The following KIF11 variants were observed in gnomAD, a reference collection of about 807,000 sequenced individuals.
KIF11 encodes kinesin family member 11.
In KIF11, 9 loss-of-function variants were observed where a neutral mutation model predicts 121.0. The ratio of observed to expected loss-of-function variants is 0.07; its 90% CI spans 0.04 to 0.13. The LOEUF is 0.13. KIF11 is among the 10% of genes least tolerant of loss of function. The pLI is 1.00. For synonymous variants in KIF11, 408 were observed against 421.0 expected (o/e 0.97, Z 0.38); for missense variants, 846 against 1,217.5 (o/e 0.69, Z 4.54).
At chr10:92,594,997 C>T (rs1016717544) in intron 1 of KIF11, among the ~76,000 whole-genome samples, 1 of 152,030 alleles carries the variant, frequency 6.6e-6, no homozygotes, top group African/African-American at 2.4e-5. Context: ...TAAGCCTTTT[C>T]TGTAAAGGGC....
chr10:92,650,418 G>A lies in KIF11; in HGVS notation c.2940G>A (p.Glu980=). The A allele has an allele frequency of 1.2e-6, 2 of 1,608,656 alleles. No homozygotes were observed. Among genetic ancestry groups the A allele is most frequent in the East Asian group, 4.5e-5 (2 of 44,828 alleles). The change falls in exon 21 of 22, where the codon GAG becomes GAA. Residue 980 remains glutamate, a synonymous_variant. Coordinates refer to ENST00000260731, the MANE Select transcript of KIF11 (RefSeq NM_004523.4). ...EETIPDVDVE[E]AVLGQYTEEP... ...TCTTTTAGGATGTGGATGTAGAAGA[G>A]GCAGTTCTGGGGCAGTATACTGAAG...
At position 92,650,425 on chromosome 10, in the gene KIF11, C is replaced by T. The variant is rs1290757591; in HGVS notation, c.2947C>T (p.Leu983=). 3.1e-6 allele frequency: 5 copies of T among 1,611,392 alleles called. No individual in the cohort carries two copies. The highest frequency in any genetic ancestry group is 4.2e-6 in the Non-Finnish European group (5 of 1,177,530). The change falls in exon 21 of 22, where the codon CTG becomes TTG. Residue 983 remains leucine (L), a synonymous_variant. Coordinates refer to ENST00000260731, the MANE Select transcript of KIF11 (RefSeq NM_004523.4). ...IPDVDVEEAV[L]GQYTEEPLSQ... Reference sequence around the variant, plus strand: ...GGATGTGGATGTAGAAGAGGCAGTTCTGGGGCAGTATACTGAAGAACCTCT... The same window carrying T: ...GGATGTGGATGTAGAAGAGGCAGTTTTGGGGCAGTATACTGAAGAACCTCT...
At chr10:92,599,252 C>T (rs1212247969) in intron 1 of KIF11, among the ~76,000 whole-genome samples, 1 of 151,948 alleles carries the variant, frequency 6.6e-6, no homozygotes, top group African/African-American at 2.4e-5. Flanking sequence ...CGCAGTGGCT[C>T]TCACCTGTTA....
intron 18 of KIF11, among the ~76,000 whole-genome samples, 187 bp from the exon 19 acceptor site, chr10:92,648,025 C>CT (rs977418489): frequency 6.7e-6 from 1 of 150,302 alleles, no homozygotes; most frequent in African/African-American, 2.5e-5. Flanking sequence ...GGGAGGATGG[C>CT]TTGAGCCTGG....
intron 16 of KIF11, 31 bp downstream of exon 16, chr10:92,637,576 G>A (rs1589604423): frequency 6.3e-7 from 1 of 1,575,688 alleles, no homozygotes; most frequent in Non-Finnish European, 8.6e-7. Flanking sequence ...GGGGAGTACA[G>A]AAAGAGAGTT....
At chr10:92,612,866 C>T (rs1406128254) in intron 6 of KIF11, among the ~76,000 whole-genome samples, 174 bp from the exon 7 acceptor site, 1 of 152,156 alleles carries the variant, frequency 6.6e-6, no homozygotes, top group Non-Finnish European at 1.5e-5. Flanking sequence ...AAACAAAATC[C>T]TAATCACTGT....
Position 92,623,715 on chromosome 10 carries a change from G to A in KIF11, c.1217+2242G>A, listed in dbSNP as rs74151666. 8.7e-3 allele frequency among the ~76,000 whole-genome samples: 1,317 copies of A among 152,120 alleles called. 20 individuals are homozygous for A. Among genetic ancestry groups the A allele is most frequent in the African/African-American group, 0.03 (1,254 of 41,512 alleles). On this transcript the variant is annotated intron_variant, in intron 10 of 21. Coordinates refer to ENST00000260731, the MANE Select transcript of KIF11 (RefSeq NM_004523.4). ...TCACTAATGGAGGTGTTCTTTTTTT[G>A]ATGCTTTAGAAGTAAAAAATAATTG...
At chr10:92,619,604 A>G (rs1844596734) in intron 9 of KIF11, among the ~76,000 whole-genome samples, 1 of 152,094 alleles carries the variant, frequency 6.6e-6, no homozygotes, top group South Asian at 2.1e-4. Flanking sequence ...TTTACAGTGT[A>G]TGAGTGATCT....
At chr10:92,641,474 A>G (rs368224973) in intron 17 of KIF11, among the ~76,000 whole-genome samples, 9 of 152,262 alleles carry the variant, frequency 5.9e-5, no homozygotes, top group African/African-American at 2.2e-4. Flanking sequence ...ATTTTTTTCC[A>G]GCATTTGAAA....
At chr10:92,625,284 A>G (rs1226139587) in intron 10 of KIF11, among the ~76,000 whole-genome samples, 1 of 151,586 alleles carries the variant, frequency 6.6e-6, no homozygotes, top group East Asian at 1.9e-4. Flanking sequence ...GGTGTTAAAC[A>G]TAGTTTCATA....
intron 9 of KIF11, among the ~76,000 whole-genome samples, chr10:92,617,865 G>A (rs1427821903): frequency 6.6e-5 from 10 of 151,752 alleles, no homozygotes; most frequent in African/African-American, 2.2e-4. Flanking sequence ...TCAGTCTCCC[G>A]AGTAGCTGGG....
chr10:92,607,212 C>T lies in KIF11; in HGVS notation c.362C>T (p.Pro121Leu). 1 of 1,605,978 alleles carries T rather than the reference C, an allele frequency of 6.2e-7. No individual in the cohort carries two copies. The highest frequency in any genetic ancestry group is 8.5e-7 in the Non-Finnish European group (1 of 1,173,362). The change falls in exon 4 of 22, where the codon CCT becomes CTT. Residue 121 changes from proline to leucine, a missense_variant. Pro to Leu is a moderately conservative substitution (Grantham distance 98). Transcript: ENST00000260731. ...KTFTMEGERS[P>L]NEEYTWEEDP... ...TTTACAATGGAAGGTGAAAGGTCAC[C>T]TAATGAAGAGTATACCTGGGAAGAG...
chr10:92,599,781 T>C (rs560094053), intron 1 of KIF11, among the ~76,000 whole-genome samples: 2 of 144,592 alleles, frequency 1.4e-5, no homozygotes, highest in African/African-American at 5.1e-5. Flanking sequence ...GCCTCCCGAG[T>C]AGCTGGGACT....
Position 92,628,814 on chromosome 10 carries a change from G to A in KIF11, c.1224G>A (p.Met408Ile). Residue 408 changes from methionine to isoleucine, a missense_variant, in exon 11 of 22, where the codon ATG (methionine) becomes ATA (isoleucine). Around this residue, in one of 5 missense-constraint regions of KIF11, gnomAD observed 95 missense variants for 109.3 expected, o/e 0.87. Coordinates refer to ENST00000260731, the MANE Select transcript of KIF11 (RefSeq NM_004523.4). ...VYISEENFRV[M>I]SGKLTVQEEQ... is the part of the protein sequence containing the mutation. ...ATATTAAACTTTATTTTAGAGTCATGAGTGGAAAATTAACTGTTCAAGAAG... is the reference window on the plus strand; with the variant it reads ...ATATTAAACTTTATTTTAGAGTCATAAGTGGAAAATTAACTGTTCAAGAAG... 6.4e-7 allele frequency: 1 copy of A among 1,572,408 alleles called. No individual in the cohort carries two copies. Among genetic ancestry groups the A allele is most frequent in the East Asian group, 2.2e-5 (1 of 44,558 alleles).
intron 1 of KIF11, among the ~76,000 whole-genome samples, chr10:92,605,954 T>C (rs1329455718): frequency 2.0e-5 from 3 of 152,220 alleles, no homozygotes; most frequent in African/African-American, 7.2e-5. Context: ...GAGACCAGCC[T>C]GTGCAACACA....
At chr10:92,614,121 A>C (rs2135905601) in intron 8 of KIF11, among the ~76,000 whole-genome samples, 1 of 149,834 alleles carries the variant, frequency 6.7e-6, no homozygotes, top group East Asian at 2.0e-4. Context: ...TTTTGAGACA[A>C]ATCCCACTCT....
In KIF11 at chr10:92,637,261, T is replaced by C; in HGVS notation, c.1953T>C (p.Asn651=). The C allele has an allele frequency of 1.3e-6, 2 of 1,590,446 alleles. No homozygotes were observed. The highest frequency in any genetic ancestry group is 1.7e-6 in the Non-Finnish European group (2 of 1,174,590). The change falls in exon 15 of 22, where the codon AAT becomes AAC. Residue 651 remains asparagine (N), a synonymous_variant. Coordinates refer to ENST00000260731, the MANE Select transcript of KIF11 (RefSeq NM_004523.4). ...CTGTGGTGTCTATACTGAAAATCAA[T>C]AGTCAACTAAAGCATATTTTCAAGA... The part of the protein sequence containing the change: ...SPTVVSILKI[N]SQLKHIFKTS...
At chr10:92,602,100 C>A (rs1844379852) in intron 1 of KIF11, among the ~76,000 whole-genome samples, 1 of 152,114 alleles carries the variant, frequency 6.6e-6, no homozygotes, top group Non-Finnish European at 1.5e-5. Context: ...TCCCTGTATT[C>A]CAGGAATAAA....
At chr10:92,615,558 C>G (rs138457701) in intron 8 of KIF11, among the ~76,000 whole-genome samples, 1 of 152,104 alleles carries the variant, frequency 6.6e-6, no homozygotes, top group African/African-American at 2.4e-5. Context: ...CCAACCATCA[C>G]CAAAATCTAA....
Sources: allele counts gnomAD v4.1 joint callset (sites outside exome capture counted in the v4.1 genomes callset), GRCh38; gene constraint gnomAD v4.1.1; regional missense constraint gnomAD v4.1.1; transcripts MANE v1.5; gene names NCBI Gene and HGNC (gene_info 2026-07-23, HGNC 2026-07-21).